DNAH6: variants seen among roughly 807,000 people sequenced by gnomAD.
The protein encoded by DNAH6 is axonemal beta dynein heavy chain 6.
In DNAH6, 340 loss-of-function variants were observed where a neutral mutation model predicts 491.4. The ratio of observed to expected loss-of-function variants is 0.69; its 90% CI spans 0.63 to 0.76. DNAH6 has a LOEUF of 0.76. Among genes scored for constraint, DNAH6 ranks in the 30% least tolerant of loss-of-function variants. The pLI is 0.00. For synonymous variants in DNAH6, 1,603 were observed against 1,686.1 expected, an observed-to-expected ratio of 0.95 and a Z score of 1.21; for missense variants, 4,443 against 4,972.2, an observed-to-expected ratio of 0.89 and a Z score of 3.20.
chr2:84,611,841 C>G lies in DNAH6; in HGVS notation c.3462C>G (p.Ala1154=). ...ATCGGCTGCCTAATGCTCTTCGAGCCGCTACTCAGCCAGGTATGAAACAAA... is the reference window on the plus strand; with the variant it reads ...ATCGGCTGCCTAATGCTCTTCGAGCGGCTACTCAGCCAGGTATGAAACAAA... ...KVNRLPNALR[A]ATQPGLLETF... is the part of the protein sequence containing the mutation. The change falls in exon 22 of 77, where the codon GCC becomes GCG. Residue 1154 remains alanine (A), a synonymous_variant. Coordinates refer to ENST00000389394, the MANE Select transcript of DNAH6 (RefSeq NM_001370.2). The G allele has an allele frequency of 4.5e-6, 7 of 1,550,524 alleles. No homozygotes were observed. The highest frequency in any genetic ancestry group is 6.1e-6 in the Non-Finnish European group (7 of 1,146,282).
At chr2:84,805,917 T>C (rs570761953) in intron 71 of DNAH6, 123 bp downstream of exon 71, 3 of 768,858 alleles carry the variant, frequency 3.9e-6, no homozygotes, top group East Asian at 6.0e-5. Flanking sequence ...TAAAGAGCTC[T>C]TTTGACATGG....
intron 61 of DNAH6, 71 bp from the exon 62 acceptor site, chr2:84,733,373 A>T: frequency 7.3e-7 from 1 of 1,370,214 alleles, no homozygotes; most frequent in Non-Finnish European, 1.0e-6. Flanking sequence ...TTGATTTTTC[A>T]CTTGGACAAA....
chr2:84,676,206 A>C (rs1310199495), intron 40 of DNAH6, among the ~76,000 whole-genome samples: 1 of 152,232 alleles, frequency 6.6e-6, no homozygotes, highest in Non-Finnish European at 1.5e-5. Context: ...TCCAACCCAC[A>C]GTTCCCAGAT....
At chr2:84,788,505 A>G (rs2105253580) in intron 68 of DNAH6, among the ~76,000 whole-genome samples, 1 of 152,362 alleles carries the variant, frequency 6.6e-6, no homozygotes, top group African/African-American at 2.4e-5. Context: ...AAGGGCCTCA[A>G]ATGGCAAGAA....
chr2:84,615,308 T>C (rs1686742068), intron 22 of DNAH6, among the ~76,000 whole-genome samples: 1 of 152,154 alleles, frequency 6.6e-6, no homozygotes, highest in South Asian at 2.1e-4. Context: ...TCCCACTTTA[T>C]GTTTTTGTTT....
Position 84,681,351 on chromosome 2 carries a change from T to C in DNAH6, c.6745-6T>C, listed in dbSNP as rs201372663. On this transcript the variant is annotated splice_region_variant and splice_polypyrimidine_tract_variant and intron_variant, in intron 41 of 76. Transcript: ENST00000389394. ...TAATCCTCTCATATTATGTTTCTGG[T>C]TCTAGGCCATCTTAAATGGTTTCCT... 2.2e-4 allele frequency: 335 copies of C among 1,537,652 alleles called. No individual in the cohort carries two copies. The highest frequency in any genetic ancestry group is 2.7e-4 in the Non-Finnish European group (305 of 1,140,406).
chr2:84,471,167 TC>T, the DNAH6 span, among the ~76,000 whole-genome samples: 45 of 152,296 alleles, frequency 3.0e-4, no homozygotes, highest in African/African-American at 8.9e-4. Context: ...CTCAGCTTTT[TC>T]CCAACATGCT....
At chr2:84,483,195 A>C in the DNAH6 span, among the ~76,000 whole-genome samples, 2 of 151,956 alleles carry the variant, frequency 1.3e-5, no homozygotes, top group African/African-American at 4.8e-5. Flanking sequence ...AATTCCTAGG[A>C]TCAAGCAATC....
chr2:84,561,474 A>G (rs977861245), intron 11 of DNAH6, among the ~76,000 whole-genome samples: 1 of 152,252 alleles, frequency 6.6e-6, no homozygotes, highest in Non-Finnish European at 1.5e-5. Flanking sequence ...AGACATAGGC[A>G]TGGGCAAAGG....
At chr2:84,496,441 G>T in the DNAH6 span, among the ~76,000 whole-genome samples, 1 of 152,032 alleles carries the variant, frequency 6.6e-6, no homozygotes, top group Non-Finnish European at 1.5e-5. Context: ...ATCATGTTAT[G>T]CAAACTGTTT....
At chr2:84,529,196 A>G (rs772845816) in intron 4 of DNAH6, 30 bp downstream of exon 4, 1 of 1,451,096 alleles carries the variant, frequency 6.9e-7, no homozygotes, top group Non-Finnish European at 9.3e-7. Context: ...GCAATTTAAC[A>G]TAAAAATTAC....
the DNAH6 span, among the ~76,000 whole-genome samples, chr2:84,474,886 G>GT: frequency 1.3e-5 from 2 of 152,262 alleles, no homozygotes; most frequent in African/African-American, 2.4e-5. Flanking sequence ...GTGCAAATAG[G>GT]TTTTTTGTCA....
At chr2:84,553,429 CTT>C (rs1679687825) in intron 10 of DNAH6, among the ~76,000 whole-genome samples, 5 of 111,434 alleles carry the variant, frequency 4.5e-5, no homozygotes, top group Admixed American at 9.7e-5. Context: ...TTCTTTCTTT[CTT>C]TCTTTTTCTC....
At chr2:84,465,908 C>G in the DNAH6 span, among the ~76,000 whole-genome samples, 1 of 152,180 alleles carries the variant, frequency 6.6e-6, no homozygotes, top group Non-Finnish European at 1.5e-5. Context: ...TTTTATTATA[C>G]TTGGCCTGAT....
intron 37 of DNAH6, among the ~76,000 whole-genome samples, chr2:84,664,597 G>A (rs1325371230): frequency 6.6e-6 from 1 of 152,144 alleles, no homozygotes; most frequent in South Asian, 2.1e-4. Flanking sequence ...GATTCATAAA[G>A]CAAGTCCTTA....
chr2:84,762,085 G>A (rs562194288), intron 63 of DNAH6, among the ~76,000 whole-genome samples: 6 of 152,166 alleles, frequency 3.9e-5, no homozygotes, highest in Non-Finnish European at 7.3e-5. Flanking sequence ...GAATGGGGTA[G>A]GTAGGGTAGG....
At chr2:84,481,629 T>C in the DNAH6 span, among the ~76,000 whole-genome samples, 2 of 152,184 alleles carry the variant, frequency 1.3e-5, no homozygotes, top group African/African-American at 4.8e-5. Context: ...ACTCATATGC[T>C]TGGCTTTGTT....
At chr2:84,577,439 T>G in intron 13 of DNAH6, 31 bp downstream of exon 13, 2 of 1,468,932 alleles carry the variant, frequency 1.4e-6, no homozygotes, top group Non-Finnish European at 1.8e-6. Flanking sequence ...AAAATAATTA[T>G]TCCTCTACAA....
chr2:84,710,835 A>C (rs945184478), intron 56 of DNAH6, among the ~76,000 whole-genome samples: 2 of 151,980 alleles, frequency 1.3e-5, no homozygotes, highest in Non-Finnish European at 2.9e-5. Flanking sequence ...TGAATTAGAT[A>C]AGAATTAACT....
Sources: gnomAD v4.1 joint callset for allele counts (sites outside exome capture counted in the v4.1 genomes callset) on GRCh38, gnomAD v4.1.1 for gene constraint, MANE v1.5 for transcripts, NCBI Gene and HGNC (gene_info 2026-07-23, HGNC 2026-07-21) for gene names.